DYNC2LI1: variants seen among roughly 807,000 people sequenced by gnomAD.
DYNC2LI1 encodes the protein dynein cytoplasmic 2 light intermediate chain 1, also known as cytoplasmic dynein 2 light intermediate chain 1.
In DYNC2LI1, 45 loss-of-function variants were observed where a neutral mutation model predicts 51.9. The ratio of observed to expected loss-of-function variants is 0.87; its 90% CI spans 0.68 to 1.11. The LOEUF (loss-of-function observed/expected upper bound fraction) is 1.11, where lower values mean the gene tolerates loss of function less well. Among genes scored for constraint, DYNC2LI1 ranks in the 50% most tolerant of loss-of-function variants. The probability of loss-of-function intolerance (pLI) is 0.00; values close to 1 mark genes in which losing one functional copy is unlikely to be tolerated. For synonymous variants in DYNC2LI1, 130 were observed against 137.8 expected, an observed-to-expected ratio of 0.94 and a Z score of 0.40; for missense variants, 490 against 417.4, an observed-to-expected ratio of 1.17 and a Z score of -1.51.
downstream of DYNC2LI1, among the ~76,000 whole-genome samples, chr2:43,810,793 A>G (rs1469220355): frequency 2.0e-5 from 3 of 152,212 alleles, no homozygotes; most frequent in South Asian, 2.1e-4. Flanking sequence ...GCTGAGTGCT[A>G]TGGAAAAAGA....
chr2:43,778,112 C>A (rs1673107201), intron 2 of DYNC2LI1, among the ~76,000 whole-genome samples: 1 of 151,908 alleles, frequency 6.6e-6, no homozygotes, highest in Non-Finnish European at 1.5e-5. Context: ...TCGTAGAGAT[C>A]ATTTATATTT....
chr2:43,821,066 G>C, the DYNC2LI1 span, among the ~76,000 whole-genome samples: 1 of 152,058 alleles, frequency 6.6e-6, no homozygotes, highest in African/African-American at 2.4e-5. Flanking sequence ...TGACCATTAG[G>C]CATGGCTGCT....
Position 43,789,746 on chromosome 2 carries a change from C to G in DYNC2LI1, c.320+25C>G, listed in dbSNP as rs3815994. 0.1 allele frequency: 161,517 copies of G among 1,597,322 alleles called. 12,468 individuals carry two copies. The highest frequency in any genetic ancestry group is 0.34 in the African/African-American group (25,349 of 74,400). On this transcript the variant is annotated intron_variant, in intron 5 of 12. Transcript: ENST00000260605. ...GGTAAGTGAGCCAGCTCCAGGAAAA[C>G]CTGTAAGTACACAGGAGTGTCCCTA...
intron 8 of DYNC2LI1, among the ~76,000 whole-genome samples, chr2:43,798,238 T>A (rs535308844): frequency 3.2e-4 from 49 of 152,358 alleles, no homozygotes; most frequent in Non-Finnish European, 6.0e-4. Context: ...GGCTAGAATA[T>A]TTTAACTGAA....
At chr2:43,798,007 G>T (rs1406606531) in intron 8 of DYNC2LI1, among the ~76,000 whole-genome samples, 1 of 152,002 alleles carries the variant, frequency 6.6e-6, no homozygotes, top group Non-Finnish European at 1.5e-5. Flanking sequence ...CACACCAGTT[G>T]TCTCAGCTAC....
At chr2:43,794,002 A>G (rs1156235635) in intron 5 of DYNC2LI1, 1 of 155,246 alleles carries the variant, frequency 6.4e-6, no homozygotes, top group African/African-American at 2.4e-5. Flanking sequence ...CATCTTCTGG[A>G]GAGGGTTATT....
chr2:43,794,708 C>A, intron 6 of DYNC2LI1, 65 bp downstream of exon 6: 1 of 1,611,006 alleles, frequency 6.2e-7, no homozygotes, highest in Non-Finnish European at 8.5e-7. Context: ...GATAACATCA[C>A]AAACAACTTC....
In DYNC2LI1 at chr2:43,787,244, C is replaced by A; in HGVS notation, c.225C>A (p.His75Gln). Reference sequence around the variant, plus strand: ...CATATGGAAGAAGAGCAAAAGGGCACAACACAGTAAGTGTCTTTTAAAGTG... The same window carrying A: ...CATATGGAAGAAGAGCAAAAGGGCAAAACACAGTAAGTGTCTTTTAAAGTG... ...EYTYGRRAKG[H>Q]NTPKDIAHFW... The change falls in exon 4 of 13, where the codon CAC (histidine) becomes CAA (glutamine). Residue 75 changes from histidine to glutamine, a missense_variant. Physicochemically the swap from His to Gln is conservative, Grantham distance 24. Coordinates refer to ENST00000260605, the MANE Select transcript of DYNC2LI1 (RefSeq NM_016008.4). The A allele has an allele frequency of 1.2e-6, 2 of 1,612,356 alleles. No individual in the cohort carries two copies. The highest frequency in any genetic ancestry group is 1.7e-6 in the Non-Finnish European group (2 of 1,178,808).
At chr2:43,824,071 C>T in the DYNC2LI1 span, 98 of 1,614,180 alleles carry the variant, frequency 6.1e-5, no homozygotes, top group East Asian at 1.6e-3. Context: ...CTGAAGGAGA[C>T]GCGTAATCAC....
At chr2:43,823,906 C>CACT in the DYNC2LI1 span, 2 of 1,613,720 alleles carry the variant, frequency 1.2e-6, no homozygotes, top group South Asian at 1.1e-5. Context: ...AGCACGTGGG[C>CACT]ACTTACACAG....
chr2:43,796,048 A>C (rs573483642), intron 7 of DYNC2LI1, 90 bp downstream of exon 7: 1 of 929,664 alleles, frequency 1.1e-6, no homozygotes, highest in African/African-American at 1.7e-5. Flanking sequence ...AAAATAAGAA[A>C]AATAATTATT....
At chr2:43,822,547 A>C in the DYNC2LI1 span, 99 of 980,636 alleles carry the variant, frequency 1.0e-4, no homozygotes, top group South Asian at 5.7e-4. Context: ...CCCTGCCGTG[A>C]ATGTGGGACA....
At chr2:43,793,483 A>C (rs1289813471) in intron 5 of DYNC2LI1, 2 of 152,244 alleles carry the variant, frequency 1.3e-5, no homozygotes, top group East Asian at 3.8e-4. Flanking sequence ...AAACAACAAC[A>C]AAAAAATGTT....
chr2:43,820,715 G>C, the DYNC2LI1 span, among the ~76,000 whole-genome samples: 1 of 152,116 alleles, frequency 6.6e-6, no homozygotes, highest in African/African-American at 2.4e-5. Context: ...GTGCAGTGGC[G>C]TGATCTTGGC....
rs536304905 is a variant in DYNC2LI1 at position 43,785,707 on chromosome 2, T to A, written c.162-1474T>A. ...CAAGATTGTGCCACTGCAAAAAAAA[T>A]AAATAAATAAAATAAAATAAAATAT... On this transcript the variant is annotated intron_variant, in intron 3 of 12. Coordinates refer to ENST00000260605, the MANE Select transcript of DYNC2LI1 (RefSeq NM_016008.4). Among the ~76,000 whole-genome samples, 34 of 131,762 alleles carry A rather than the reference T, an allele frequency of 2.6e-4. 1 individual carries two copies. In the South Asian group the frequency reaches 5.2e-3, roughly 20 times the overall value. 86.4% of individuals were successfully genotyped at this position (131,762 alleles called of 152,430 possible).
chr2:43,825,747 C>T, the DYNC2LI1 span, among the ~76,000 whole-genome samples: 1 of 152,164 alleles, frequency 6.6e-6, no homozygotes, highest in Non-Finnish European at 1.5e-5. Context: ...GCTGGGATTA[C>T]AGGCGCACAC....
chr2:43,815,112 T>C, the DYNC2LI1 span, among the ~76,000 whole-genome samples: 2 of 152,142 alleles, frequency 1.3e-5, no homozygotes, highest in African/African-American at 4.8e-5. Flanking sequence ...AACAGAAAGT[T>C]GAAGGTACCA....
At chr2:43,825,261 C>A in the DYNC2LI1 span, among the ~76,000 whole-genome samples, 12 of 152,176 alleles carry the variant, frequency 7.9e-5, no homozygotes, top group Non-Finnish European at 1.3e-4. Context: ...GTGGGTCATG[C>A]TGCCTCCCAT....
At chr2:43,795,493 ACT>A (rs1306029588) in intron 6 of DYNC2LI1, among the ~76,000 whole-genome samples, 2 of 151,864 alleles carry the variant, frequency 1.3e-5, no homozygotes, top group Non-Finnish European at 1.5e-5. Context: ...CCAGAGGGAG[ACT>A]CTGCCTCAAA....
Sources: gnomAD v4.1 joint callset for allele counts (sites outside exome capture counted in the v4.1 genomes callset) on GRCh38, gnomAD v4.1.1 for gene constraint, MANE v1.5 for transcripts, NCBI Gene and HGNC (gene_info 2026-07-23, HGNC 2026-07-21) for gene names.